Variants in SPTLC3 observed in about 807,000 individuals in gnomAD.
The protein encoded by SPTLC3 is serine palmitoyltransferase 3.
A neutral mutation model predicts 59.3 loss-of-function variants in SPTLC3; 36 were observed. The ratio of observed to expected loss-of-function variants is 0.61; its 90% CI spans 0.47 to 0.80. The LOEUF is 0.80. Ranked by LOEUF, SPTLC3 falls within the 30% of genes least tolerant of loss-of-function variation. The pLI, the probability that SPTLC3 is intolerant of heterozygous loss-of-function variation, is 0.00. For synonymous variants in SPTLC3, 257 were observed against 240.8 expected (o/e 1.07, Z -0.62); for missense variants, 625 against 685.1 (o/e 0.91, Z 0.98).
Position 13,117,716 on chromosome 20 carries a change from T to A in SPTLC3, c.1143T>A (p.Ala381=), listed in dbSNP as rs1568610756. 2 of 1,610,362 alleles carry A rather than the reference T, an allele frequency of 1.2e-6. No individual in the cohort carries two copies. Among genetic ancestry groups the A allele is most frequent in the Non-Finnish European group, 1.7e-6 (2 of 1,178,644 alleles). ...KSFGASGGYI[A]GRKDLVDYLR... is the part of the protein sequence containing the mutation. ...TTGGAGCTTCAGGAGGTTACATAGC[T>A]GGAAGGAAGGTAAGAGAGGGCCTGC... Residue 381 remains alanine (A), a synonymous_variant, in exon 8 of 12, where the codon GCT becomes GCA. Coordinates refer to ENST00000399002, the MANE Select transcript of SPTLC3 (RefSeq NM_018327.4).
rs766132581 is a variant in SPTLC3 at position 13,110,125 on chromosome 20, A to G, written c.840A>G (p.Leu280=). 12 of 1,612,120 alleles carry G rather than the reference A, an allele frequency of 7.4e-6. No individual in the cohort carries two copies. Among genetic ancestry groups the G allele is most frequent in the Non-Finnish European group, 1.0e-5 (12 of 1,179,286 alleles). Residue 280 remains leucine, a synonymous_variant, in exon 7 of 12, where the codon CTA becomes CTG. Coordinates refer to ENST00000399002, the MANE Select transcript of SPTLC3 (RefSeq NM_018327.4). Reference sequence around the variant, plus strand: ...TATTATTTAAAGACACACAAAGCCTAGAGAAGCTCCTGAGAGATGCTGTCA... The same window carrying G: ...TATTATTTAAAGACACACAAAGCCTGGAGAAGCTCCTGAGAGATGCTGTCA... ...RIFKHNNTQS[L]EKLLRDAVIY...
intron 1 of SPTLC3, among the ~76,000 whole-genome samples, chr20:13,015,961 A>T (rs960679738): frequency 6.6e-6 from 1 of 152,132 alleles, no homozygotes; most frequent in Admixed American, 6.6e-5. Flanking sequence ...TCTGCATGGC[A>T]AAAACAAAAC....
At chr20:13,150,461 A>G (rs8117223) in intron 9 of SPTLC3, among the ~76,000 whole-genome samples, 38,147 of 152,120 alleles carry the variant, frequency 0.25, 5,093 homozygotes, top group South Asian at 0.44. Flanking sequence ...AATATGAACT[A>G]AGAAACCATA....
intron 1 of SPTLC3, among the ~76,000 whole-genome samples, chr20:13,032,605 G>A (rs912253930): frequency 1.3e-5 from 2 of 152,114 alleles, no homozygotes; most frequent in Non-Finnish European, 2.9e-5. Context: ...TATCCTGGAA[G>A]GTCTTTACCA....
At chr20:13,113,264 G>T (rs1015605863) in intron 7 of SPTLC3, among the ~76,000 whole-genome samples, 16 of 152,128 alleles carry the variant, frequency 1.1e-4, no homozygotes, top group Non-Finnish European at 1.5e-5. Context: ...GTTCACAAAT[G>T]CACTCCTACT....
intron 2 of SPTLC3, among the ~76,000 whole-genome samples, chr20:13,064,000 T>A (rs1012757105): frequency 6.6e-6 from 1 of 151,760 alleles, no homozygotes; most frequent in Non-Finnish European, 1.5e-5. Context: ...GTATCATTAA[T>A]TAAATAGTTC....
At chr20:13,067,309 T>C (rs1600247343) in intron 2 of SPTLC3, among the ~76,000 whole-genome samples, 1 of 152,012 alleles carries the variant, frequency 6.6e-6, no homozygotes, top group African/African-American at 2.4e-5. Flanking sequence ...AGAAAGAGGA[T>C]GAAGGGATCT....
intron 7 of SPTLC3, among the ~76,000 whole-genome samples, chr20:13,111,098 AAAT>A (rs1333572509): frequency 1.3e-5 from 2 of 152,130 alleles, no homozygotes; most frequent in Non-Finnish European, 2.9e-5. Context: ...CCCAACTCTA[AAAT>A]AATAATAATA....
At chr20:13,093,938 T>C (rs999543121) in intron 6 of SPTLC3, among the ~76,000 whole-genome samples, 1 of 152,194 alleles carries the variant, frequency 6.6e-6, no homozygotes, top group Non-Finnish European at 1.5e-5. Context: ...AAGTTTTGTG[T>C]TAAGGTCAGG....
intron 6 of SPTLC3, among the ~76,000 whole-genome samples, chr20:13,107,774 C>G (rs1230430908): frequency 7.7e-6 from 1 of 129,658 alleles, no homozygotes; most frequent in African/African-American, 3.7e-5. Context: ...AGGAAAATGA[C>G]CTTTTTTTTT....
At chr20:13,088,039 T>C (rs984027128) in intron 4 of SPTLC3, among the ~76,000 whole-genome samples, 1 of 152,188 alleles carries the variant, frequency 6.6e-6, no homozygotes, top group Non-Finnish European at 1.5e-5. Flanking sequence ...CAGCTGGTAA[T>C]AGAAGACCTA....
At chr20:13,072,447 A>G (rs1236977185) in intron 3 of SPTLC3, 37 bp downstream of exon 3, 1 of 1,515,738 alleles carries the variant, frequency 6.6e-7, no homozygotes, top group South Asian at 1.3e-5. Flanking sequence ...GTGAAAAGAA[A>G]AACCTTTCAA....
At chr20:13,154,779 A>T (rs2038728396) in intron 10 of SPTLC3, among the ~76,000 whole-genome samples, 2 of 152,354 alleles carry the variant, frequency 1.3e-5, no homozygotes, top group South Asian at 4.1e-4. Flanking sequence ...CAACTGCATA[A>T]AGAGGAAAAC....
chr20:13,069,349 C>T (rs557851322), intron 2 of SPTLC3, among the ~76,000 whole-genome samples: 1 of 152,134 alleles, frequency 6.6e-6, no homozygotes, highest in Admixed American at 6.6e-5. Flanking sequence ...AGCTCTAAAA[C>T]AGCAGTCCCC....
At chr20:13,034,139 C>T (rs1192869297) in intron 1 of SPTLC3, among the ~76,000 whole-genome samples, 1 of 151,980 alleles carries the variant, frequency 6.6e-6, no homozygotes, top group Non-Finnish European at 1.5e-5. Flanking sequence ...ATACTGAAAA[C>T]CAACAATTCC....
chr20:13,158,042 C>T (rs2038814298), intron 10 of SPTLC3, among the ~76,000 whole-genome samples: 1 of 152,138 alleles, frequency 6.6e-6, no homozygotes, highest in Non-Finnish European at 1.5e-5. Context: ...TGTGGTTTTA[C>T]CCATAAAACA....
At chr20:13,046,695 T>C (rs556327799) in intron 1 of SPTLC3, among the ~76,000 whole-genome samples, 3 of 152,286 alleles carry the variant, frequency 2.0e-5, no homozygotes, top group Admixed American at 2.0e-4. Context: ...CAAAGGTTTG[T>C]ACTAAAATAG....
chr20:13,127,919 T>A (rs2038032184), intron 9 of SPTLC3, among the ~76,000 whole-genome samples: 1 of 150,948 alleles, frequency 6.6e-6, no homozygotes, highest in South Asian at 2.1e-4. Context: ...AGGAAGCCCT[T>A]ATGGTATGAG....
In SPTLC3 at chr20:13,164,536, G is replaced by A. The variant is rs1252222878; in HGVS notation, c.1546-218G>A. 13 of 578,368 alleles carry A rather than the reference G, an allele frequency of 2.2e-5. No homozygotes were observed. In the East Asian group the frequency reaches 3.7e-4, roughly 17 times the overall value. 35.8% of individuals were successfully genotyped at this position (578,368 alleles called of 1,614,324 possible). On this transcript the variant is annotated intron_variant, in intron 11 of 11. Transcript: ENST00000399002. The stretch of plus-strand genomic sequence containing the variant: ...AAAATAAAATAAACATTCATAGTAT[G>A]GAGTTAGACCACTAAATAAAATTAA...
Sources: allele counts gnomAD v4.1 joint callset (sites outside exome capture counted in the v4.1 genomes callset), GRCh38; gene constraint gnomAD v4.1.1; transcripts MANE v1.5; gene names NCBI Gene and HGNC (gene_info 2026-07-23, HGNC 2026-07-21).